The following NREP variants were observed in gnomAD, a reference collection of about 807,000 sequenced individuals.
The protein encoded by NREP is neuronal regeneration-related protein.
In NREP, 5 loss-of-function variants were observed where a neutral mutation model predicts 8.6. The ratio of observed to expected loss-of-function variants is 0.58; its 90% CI spans 0.30 to 1.22. The LOEUF (loss-of-function observed/expected upper bound fraction) is 1.22, where lower values mean the gene tolerates loss of function less well. Among genes scored for constraint, NREP ranks in the 50% most tolerant of loss-of-function variants. NREP has a pLI of 0.07. For missense variants in NREP, 86 were observed against 82.5 expected (o/e 1.04, Z -0.17); for synonymous variants, 27 against 28.0 (o/e 0.96, Z 0.11).
intron 2 of NREP, among the ~76,000 whole-genome samples, chr5:111,855,451 G>T (rs1200389671): frequency 2.0e-5 from 3 of 152,074 alleles, no homozygotes; most frequent in Non-Finnish European, 2.9e-5. Context: ...TAACCAAATA[G>T]GTCTATAATC....
chr5:111,975,700 A>C (rs1170773789), intron 1 of NREP, among the ~76,000 whole-genome samples: 5 of 152,188 alleles, frequency 3.3e-5, no homozygotes, highest in Admixed American at 3.3e-4. Flanking sequence ...TATTCATTAA[A>C]ATTTTCAAAT....
chr5:111,890,292 C>A (rs1159590125), intron 2 of NREP, among the ~76,000 whole-genome samples: 1 of 152,216 alleles, frequency 6.6e-6, no homozygotes, highest in Non-Finnish European at 1.5e-5. Context: ...ATTCTCAAAG[C>A]CTTGGGCAGC....
upstream of NREP, among the ~76,000 whole-genome samples, chr5:111,760,420 G>A (rs949603218): frequency 3.9e-5 from 6 of 152,192 alleles, no homozygotes; most frequent in South Asian, 2.1e-4. Context: ...ATTTTCGTAG[G>A]GAGGAGGAAA....
intron 2 of NREP, among the ~76,000 whole-genome samples, chr5:111,891,004 T>C (rs1754382006): frequency 6.6e-6 from 1 of 152,254 alleles, no homozygotes. Flanking sequence ...AAATGGGCTT[T>C]TCTTTTCTAT....
chr5:111,761,346 C>T (rs1335792264), upstream of NREP, among the ~76,000 whole-genome samples: 1 of 152,146 alleles, frequency 6.6e-6, no homozygotes, highest in African/African-American at 2.4e-5. Flanking sequence ...TGTTGCACAA[C>T]CCTTGAGCCT....
At chr5:111,925,981 G>T (rs1011351626) in intron 2 of NREP, among the ~76,000 whole-genome samples, 2 of 152,244 alleles carry the variant, frequency 1.3e-5, no homozygotes, top group Admixed American at 6.5e-5. Flanking sequence ...GCTGCCTGCA[G>T]AGCTGCCTGC....
At chr5:111,882,031 C>A (rs938070813) in intron 2 of NREP, among the ~76,000 whole-genome samples, 1 of 152,054 alleles carries the variant, frequency 6.6e-6, no homozygotes, top group Non-Finnish European at 1.5e-5. Context: ...CAAACTACTC[C>A]GAGCTACAGG....
intron 2 of NREP, among the ~76,000 whole-genome samples, chr5:111,845,574 C>G (rs1383288988): frequency 6.6e-6 from 1 of 152,082 alleles, no homozygotes; most frequent in African/African-American, 2.4e-5. Flanking sequence ...CGTTATAAAT[C>G]TTTTTTGAAC....
chr5:111,839,676 A>G (rs1457125806), intron 2 of NREP, among the ~76,000 whole-genome samples: 2 of 152,144 alleles, frequency 1.3e-5, no homozygotes, highest in Admixed American at 1.3e-4. Context: ...TTAGTTCAAT[A>G]TATAATATTA....
chr5:111,758,783 A>G (rs1750884268), upstream of NREP, among the ~76,000 whole-genome samples: 1 of 152,222 alleles, frequency 6.6e-6, no homozygotes, highest in African/African-American at 2.4e-5. Flanking sequence ...AAACCTTAAA[A>G]AGCAATACTT....
chr5:111,755,688 C>T (rs1195807060), intron 2 of NREP, 82 bp downstream of exon 2: 4 of 1,456,862 alleles, frequency 2.7e-6, no homozygotes, highest in Non-Finnish European at 3.9e-6. Context: ...AGGGTTGAGG[C>T]GGATGAAGAT....
At chr5:111,736,053 A>G (rs541957604) in intron 2 of NREP, among the ~76,000 whole-genome samples, 2 of 152,278 alleles carry the variant, frequency 1.3e-5, no homozygotes, top group Admixed American at 6.5e-5. Flanking sequence ...TGTCATCACC[A>G]TGAATGATTC....
intron 3 of NREP, chr5:111,735,169 C>G: frequency 2.6e-6 from 1 of 383,276 alleles, no homozygotes. Flanking sequence ...GACTTAAAAC[C>G]TGTAAACTGT....
chr5:111,787,393 C>T (rs1262306155), intron 2 of NREP, among the ~76,000 whole-genome samples: 25 of 152,130 alleles, frequency 1.6e-4, no homozygotes, highest in Non-Finnish European at 1.5e-5. Context: ...TCTTATTGTT[C>T]TTTTGCTCCA....
intron 2 of NREP, among the ~76,000 whole-genome samples, chr5:111,775,133 C>T (rs1299627082): frequency 6.6e-6 from 1 of 152,284 alleles, no homozygotes; most frequent in African/African-American, 2.4e-5. Context: ...TCAAGCAGTC[C>T]TTCTGCCTTA....
intron 2 of NREP, among the ~76,000 whole-genome samples, chr5:111,775,353 T>G (rs957838442): frequency 1.3e-5 from 2 of 152,292 alleles, no homozygotes; most frequent in South Asian, 4.1e-4. Context: ...AATCTCCCTG[T>G]GACTTGTGGG....
intron 2 of NREP, among the ~76,000 whole-genome samples, chr5:111,945,416 A>G (rs1755949230): frequency 6.7e-6 from 1 of 149,192 alleles, no homozygotes; most frequent in Non-Finnish European, 1.5e-5. Flanking sequence ...ATATCTCCTA[A>G]TGCTATCCCT....
chr5:111,915,733 C>T (rs1026000517), intron 2 of NREP, among the ~76,000 whole-genome samples: 1 of 152,072 alleles, frequency 6.6e-6, no homozygotes, highest in Non-Finnish European at 1.5e-5. Context: ...TGAAATAATA[C>T]TTGCTCTCCC....
intron 2 of NREP, among the ~76,000 whole-genome samples, chr5:111,882,615 G>C (rs1189728619): frequency 6.6e-6 from 1 of 152,232 alleles, no homozygotes; most frequent in Non-Finnish European, 1.5e-5. Flanking sequence ...AAGCCCATCA[G>C]ACTAACAGCT....
Sources: allele counts gnomAD v4.1 joint callset (sites outside exome capture counted in the v4.1 genomes callset), GRCh38; gene constraint gnomAD v4.1.1; transcripts MANE v1.5; gene names NCBI Gene and HGNC (gene_info 2026-07-23, HGNC 2026-07-21).